PALLD: variants seen among roughly 807,000 people sequenced by gnomAD.
The protein encoded by PALLD is palladin, cytoskeletal associated protein.
PALLD carries 61 observed loss-of-function variants against 123.5 expected under a neutral mutation model. That is an observed-to-expected ratio of 0.49 (90% confidence interval 0.40 to 0.61). The LOEUF (loss-of-function observed/expected upper bound fraction) is 0.61, where lower values mean the gene tolerates loss of function less well. Ranked by LOEUF, PALLD falls within the 20% of genes least tolerant of loss-of-function variation. The pLI, the probability that PALLD is intolerant of heterozygous loss-of-function variation, is 0.00. For synonymous variants in PALLD, 465 were observed against 496.4 expected (o/e 0.94, Z 0.84); for missense variants, 1,273 against 1,377.0 (o/e 0.92, Z 1.20).
chr4:168,598,499 G>T (rs1772217531), intron 2 of PALLD: 1 of 505,096 alleles, frequency 2.0e-6, no homozygotes, highest in African/African-American at 2.0e-5. Context: ...ACTAGAGAGA[G>T]GAGCAGAGAG....
At chr4:168,865,457 T>C (rs534600043) in intron 10 of PALLD, among the ~76,000 whole-genome samples, 3 of 152,338 alleles carry the variant, frequency 2.0e-5, no homozygotes, top group Admixed American at 1.3e-4. Context: ...CTATCAATGG[T>C]AGACTTGTAA....
intron 10 of PALLD, among the ~76,000 whole-genome samples, chr4:168,853,029 A>T (rs966909807): frequency 6.6e-6 from 1 of 152,258 alleles, no homozygotes; most frequent in African/African-American, 2.4e-5. Context: ...ATTAGTTTTC[A>T]TAATTTTAGC....
At chr4:168,775,751 G>A (rs1026697880) in intron 10 of PALLD, among the ~76,000 whole-genome samples, 1 of 151,930 alleles carries the variant, frequency 6.6e-6, no homozygotes, top group African/African-American at 2.4e-5. Context: ...TTATTTGTTT[G>A]CATATGCATT....
In PALLD at chr4:168,524,751, CCAGA is replaced by C. The variant is rs1408673493; in HGVS notation, c.908+12342_908+12345del. ...CATGAATCGCTTCCTTCCATTGCCC[CCAGA>C]CAATGTTAAGAAACCTTAAAAAAGA... On this transcript the variant is annotated intron_variant, in intron 2 of 21. Coordinates refer to ENST00000505667, the MANE Select transcript of PALLD (RefSeq NM_001166108.2). Among the ~76,000 whole-genome samples the C allele has an allele frequency of 3.9e-5, 6 of 152,186 alleles. No homozygotes were observed. In the East Asian group the frequency reaches 7.7e-4, roughly 20 times the overall value.
At chr4:168,598,600 G>A (rs148626543) in intron 2 of PALLD, 88 of 336,792 alleles carry the variant, frequency 2.6e-4, no homozygotes, top group African/African-American at 1.7e-3. Flanking sequence ...CTTCAATCAT[G>A]TTCACCTCTT....
chr4:168,600,414 C>A (rs1772523474), intron 2 of PALLD, among the ~76,000 whole-genome samples: 1 of 152,140 alleles, frequency 6.6e-6, no homozygotes, highest in Non-Finnish European at 1.5e-5. Context: ...ATTATAGCTG[C>A]TGCTCAAATC....
At chr4:168,544,644 G>A (rs894372190) in intron 2 of PALLD, among the ~76,000 whole-genome samples, 6 of 152,230 alleles carry the variant, frequency 3.9e-5, no homozygotes, top group Admixed American at 3.3e-4. Flanking sequence ...AATCAAAAAG[G>A]ATAATTTCGT....
chr4:168,811,650 C>T (rs530082531), intron 10 of PALLD, among the ~76,000 whole-genome samples: 1 of 152,196 alleles, frequency 6.6e-6, no homozygotes, highest in Non-Finnish European at 1.5e-5. Flanking sequence ...ACAGGAGGAT[C>T]ACTTGAGCTC....
intron 10 of PALLD, among the ~76,000 whole-genome samples, chr4:168,760,872 G>T: frequency 6.6e-6 from 1 of 152,166 alleles, no homozygotes; most frequent in African/African-American, 2.4e-5. Flanking sequence ...ATGGAACAAT[G>T]GTTTTTTTGT....
intron 2 of PALLD, among the ~76,000 whole-genome samples, chr4:168,524,250 A>G (rs2149463113): frequency 6.6e-6 from 1 of 152,306 alleles, no homozygotes; most frequent in Admixed American, 6.5e-5. Flanking sequence ...GGCCAGTACT[A>G]TATGCTGTTT....
intron 10 of PALLD, among the ~76,000 whole-genome samples, chr4:168,715,362 G>A (rs933716270): frequency 4.6e-5 from 7 of 152,182 alleles, no homozygotes; most frequent in African/African-American, 1.4e-4. Context: ...CTTACCACCC[G>A]CTGTGGGACT....
At chr4:168,769,120 C>T (rs559719432) in intron 10 of PALLD, among the ~76,000 whole-genome samples, 6 of 152,298 alleles carry the variant, frequency 3.9e-5, no homozygotes, top group South Asian at 2.1e-4. Flanking sequence ...ACCACCCAGC[C>T]GGTATGTGTT....
rs528179650 is a variant in PALLD at position 168,926,608 on chromosome 4, A to T, written c.*428A>T. On this transcript the variant is annotated 3_prime_UTR_variant, in exon 22 of 22. Transcript: ENST00000505667. ...CACAGAAAATACACATTTACTGTCCAATTTAAAACTTTGGAATTGCTGTGA... is the reference window on the plus strand; with the variant it reads ...CACAGAAAATACACATTTACTGTCCTATTTAAAACTTTGGAATTGCTGTGA... The T allele has an allele frequency of 2.2e-6, 1 of 448,648 alleles. No homozygotes were observed. The highest frequency in any genetic ancestry group is 4.0e-6 in the Non-Finnish European group (1 of 252,362). The allele number at this position is 448,648 out of a possible 1,614,324, so 27.8% of individuals were successfully genotyped here. A position where few individuals can be genotyped will look rare whatever the true frequency, so the allele number is the denominator to read the frequency against.
chr4:168,752,583 G>A (rs1168773992), intron 10 of PALLD, among the ~76,000 whole-genome samples: 1 of 152,182 alleles, frequency 6.6e-6, no homozygotes, highest in Non-Finnish European at 1.5e-5. Context: ...CTGTTGTACA[G>A]TTCTGTGTTC....
At chr4:168,592,677 T>C (rs570931742) in intron 2 of PALLD, among the ~76,000 whole-genome samples, 1 of 152,230 alleles carries the variant, frequency 6.6e-6, no homozygotes, top group African/African-American at 2.4e-5. Flanking sequence ...TCTTCTGTTA[T>C]GGTTATGCCT....
At chr4:168,904,116 C>T (rs1757122921) in intron 15 of PALLD, 1 of 570,118 alleles carries the variant, frequency 1.8e-6, no homozygotes, top group East Asian at 3.1e-5. Flanking sequence ...TTATTCTACT[C>T]CTTCCACAAA....
intron 10 of PALLD, among the ~76,000 whole-genome samples, chr4:168,728,525 A>G (rs955604575): frequency 1.3e-5 from 2 of 152,164 alleles, no homozygotes; most frequent in African/African-American, 4.8e-5. Context: ...GTGTATAGAA[A>G]TGCTGCTGAT....
chr4:168,841,651 T>C (rs914703141), intron 10 of PALLD, among the ~76,000 whole-genome samples: 12 of 152,222 alleles, frequency 7.9e-5, no homozygotes, highest in African/African-American at 2.9e-4. Flanking sequence ...TCTGTGGCTC[T>C]ATAATATCTG....
chr4:168,590,278 G>GT (rs2149685627), intron 2 of PALLD, among the ~76,000 whole-genome samples: 1 of 152,336 alleles, frequency 6.6e-6, no homozygotes, highest in Non-Finnish European at 1.5e-5. Context: ...GGAAATGGAG[G>GT]TTGCAGTTAG....
Sources: allele counts gnomAD v4.1 joint callset (sites outside exome capture counted in the v4.1 genomes callset), GRCh38; gene constraint gnomAD v4.1.1; transcripts MANE v1.5; gene names NCBI Gene and HGNC (gene_info 2026-07-23, HGNC 2026-07-21).